Variants in TENM2 observed in about 807,000 individuals in gnomAD.
TENM2 encodes teneurin transmembrane protein 2.
In TENM2, 52 loss-of-function variants were observed where a neutral mutation model predicts 245.2. The ratio of observed to expected loss-of-function variants is 0.21; its 90% CI spans 0.17 to 0.27. The LOEUF is 0.27. Ranked by LOEUF, TENM2 falls within the 10% of genes least tolerant of loss-of-function variation. TENM2 has a pLI of 1.00. For synonymous variants in TENM2, 1,363 were observed against 1,438.9 expected, an observed-to-expected ratio of 0.95 and a Z score of 1.19; for missense variants, 3,046 against 3,666.8, an observed-to-expected ratio of 0.83 and a Z score of 4.37.
At chr5:168,182,825 CTTTTTTTT>C (rs149579948) in intron 13 of TENM2, among the ~76,000 whole-genome samples, 4 of 100,682 alleles carry the variant, frequency 4.0e-5, no homozygotes, top group African/African-American at 8.3e-5. Flanking sequence ...TCAGGGTGCT[CTTTTTTTT>C]TTTTTTTTTT....
At chr5:167,319,002 A>C (rs998563327) in intron 1 of TENM2, among the ~76,000 whole-genome samples, 2 of 152,216 alleles carry the variant, frequency 1.3e-5, no homozygotes, top group Non-Finnish European at 2.9e-5. Flanking sequence ...GCAACTTGTC[A>C]TTCGAGGCTT....
intron 5 of TENM2, among the ~76,000 whole-genome samples, chr5:167,999,173 A>C (rs1784259849): frequency 6.6e-6 from 1 of 152,168 alleles, no homozygotes; most frequent in Admixed American, 6.5e-5. Flanking sequence ...AGAGATGGGA[A>C]ACCTCATCCT....
At chr5:167,272,499 A>C in the TENM2 span, among the ~76,000 whole-genome samples, 2 of 152,204 alleles carry the variant, frequency 1.3e-5, no homozygotes, top group Non-Finnish European at 2.9e-5. Flanking sequence ...TTTTGACTAT[A>C]AACATGCTCA....
chr5:167,284,234 G>C (rs1771208455), upstream of TENM2, among the ~76,000 whole-genome samples: 1 of 151,260 alleles, frequency 6.6e-6, no homozygotes, highest in South Asian at 2.1e-4. Context: ...GACAAAGCTA[G>C]GAAATGTTAT....
At chr5:167,987,475 C>A (rs1228225140) in intron 4 of TENM2, among the ~76,000 whole-genome samples, 1 of 151,890 alleles carries the variant, frequency 6.6e-6, no homozygotes, top group African/African-American at 2.4e-5. Flanking sequence ...TTACAGGTGC[C>A]CACCACCACA....
At chr5:168,076,795 A>G (rs553281942) in intron 7 of TENM2, among the ~76,000 whole-genome samples, 171 of 152,304 alleles carry the variant, frequency 1.1e-3, no homozygotes, top group African/African-American at 3.9e-3. Context: ...TAGGCCTTCT[A>G]AGTGAAACCA....
At chr5:167,024,510 G>C in the TENM2 span, among the ~76,000 whole-genome samples, 1 of 152,128 alleles carries the variant, frequency 6.6e-6, no homozygotes, top group South Asian at 2.1e-4. Context: ...ATGGGAATGA[G>C]AGACACCAAG....
At chr5:167,427,142 G>T (rs1471468338) in intron 2 of TENM2, among the ~76,000 whole-genome samples, 1 of 152,042 alleles carries the variant, frequency 6.6e-6, no homozygotes, top group African/African-American at 2.4e-5. Context: ...AAGAAAAAGA[G>T]AAAGACAAAA....
chr5:167,634,271 A>G (rs1490777609), intron 2 of TENM2, among the ~76,000 whole-genome samples: 1 of 152,218 alleles, frequency 6.6e-6, no homozygotes, highest in East Asian at 1.9e-4. Flanking sequence ...AATCACAAGC[A>G]AGGAATTCTT....
chr5:168,207,556 T>TG (rs1422163001), intron 19 of TENM2, among the ~76,000 whole-genome samples: 1 of 152,182 alleles, frequency 6.6e-6, no homozygotes, highest in African/African-American at 2.4e-5. Context: ...ATAAGAACAC[T>TG]GGTTTTATTC....
intron 27 of TENM2, among the ~76,000 whole-genome samples, chr5:168,257,284 G>C (rs531387305): frequency 6.6e-6 from 1 of 152,242 alleles, no homozygotes; most frequent in South Asian, 2.1e-4. Context: ...GTGGGGATGG[G>C]GGGTGGCAGT....
At chr5:167,945,690 C>T (rs1366482712) in intron 3 of TENM2, among the ~76,000 whole-genome samples, 1 of 152,086 alleles carries the variant, frequency 6.6e-6, no homozygotes, top group Admixed American at 6.5e-5. Context: ...ATTGCGAATG[C>T]ATTCGGAATG....
At chr5:167,145,127 C>A in the TENM2 span, among the ~76,000 whole-genome samples, 1 of 152,198 alleles carries the variant, frequency 6.6e-6, no homozygotes, top group South Asian at 2.1e-4. Flanking sequence ...CACCTGAATA[C>A]TCCGTAATAA....
chr5:167,004,745 C>T, the TENM2 span, among the ~76,000 whole-genome samples: 77 of 152,134 alleles, frequency 5.1e-4, no homozygotes, highest in Admixed American at 4.0e-3. Flanking sequence ...AGCGTGTGTG[C>T]GTTTTAGGCA....
chr5:168,086,237 C>T (rs1378536406), intron 7 of TENM2, among the ~76,000 whole-genome samples: 2 of 152,184 alleles, frequency 1.3e-5, no homozygotes, highest in Non-Finnish European at 2.9e-5. Context: ...GGCTCTGCTG[C>T]TCTCCTCCCG....
chr5:168,018,861 C>T (rs908695417), intron 5 of TENM2, among the ~76,000 whole-genome samples: 3 of 152,224 alleles, frequency 2.0e-5, no homozygotes, highest in East Asian at 3.9e-4. Flanking sequence ...TCCCTGTCCC[C>T]GAGGAGATCT....
At chr5:167,462,184 C>CCCA (rs1294246593) in intron 2 of TENM2, among the ~76,000 whole-genome samples, 3 of 38,062 alleles carry the variant, frequency 7.9e-5, no homozygotes, top group Non-Finnish European at 2.1e-4. Context: ...GACCCCCACC[C>CCCA]CCCCCCCCCA....
At chr5:168,102,044 T>C in intron 9 of TENM2, among the ~76,000 whole-genome samples, 1 of 108,254 alleles carries the variant, frequency 9.2e-6, no homozygotes, top group South Asian at 2.4e-4. Context: ...TTCCATAGTT[T>C]TTTTGTTTTT....
intron 2 of TENM2, among the ~76,000 whole-genome samples, chr5:167,721,564 C>T (rs1362825467): frequency 6.6e-6 from 1 of 152,188 alleles, no homozygotes; most frequent in Non-Finnish European, 1.5e-5. Context: ...CCTTCATCTT[C>T]AAAGCCAGAA....
Sources: allele counts gnomAD v4.1 joint callset (sites outside exome capture counted in the v4.1 genomes callset), GRCh38; gene constraint gnomAD v4.1.1; transcripts MANE v1.5; gene names NCBI Gene and HGNC (gene_info 2026-07-23, HGNC 2026-07-21).